The following XK variants were observed in gnomAD, a reference collection of about 807,000 sequenced individuals.
The protein encoded by XK is X-linked Kx blood group antigen, Kell and VPS13A binding protein.
A neutral mutation model predicts 14.0 loss-of-function variants in XK; 2 were observed. That is an observed-to-expected ratio of 0.14 (90% CI 0.06 to 0.45). XK has a LOEUF of 0.45. Among genes scored for constraint, XK ranks in the 20% least tolerant of loss-of-function variants. XK has a pLI of 0.98. For synonymous variants in XK, 149 were observed against 147.5 expected, an observed-to-expected ratio of 1.01 and a Z score of -0.08; for missense variants, 235 against 341.5, an observed-to-expected ratio of 0.69 and a Z score of 2.46.
chrX:37,696,440 A>G (rs1556442480), intron 2 of XK, among the ~76,000 whole-genome samples: 1 of 112,870 alleles, frequency 8.9e-6, no homozygotes, highest in African/African-American at 3.2e-5. Flanking sequence ...CTGAGAGTTA[A>G]ATGATAAATC....
intron 2 of XK, among the ~76,000 whole-genome samples, chrX:37,724,364 T>C (rs1556449612): frequency 6.3e-5 from 7 of 111,085 alleles, no homozygotes. Flanking sequence ...TGGAACAGAA[T>C]AGAGAGCCTA....
chrX:37,725,721 A>G (rs979720251), intron 2 of XK, among the ~76,000 whole-genome samples: 20 of 112,216 alleles, frequency 1.8e-4, no homozygotes, highest in South Asian at 7.3e-4. Flanking sequence ...AAGTGAATGG[A>G]TAAATAAATT....
chrX:37,719,362 A>T (rs1232916386), intron 2 of XK, among the ~76,000 whole-genome samples: 1 of 111,566 alleles, frequency 9.0e-6, no homozygotes, highest in East Asian at 2.8e-4. Flanking sequence ...GTGGTTTGAT[A>T]TTTTAGCAGT....
At chrX:37,723,870 A>G (rs1556449454) in intron 2 of XK, among the ~76,000 whole-genome samples, 2 of 111,660 alleles carry the variant, frequency 1.8e-5, no homozygotes, top group Non-Finnish European at 3.8e-5. Context: ...GTAACCACAC[A>G]TACATGTATA....
rs1462058550 is a variant in XK at position 37,731,561 on chromosome X, T to C, written c.*3099T>C. 2 of 112,631 alleles carry C rather than the reference T, an allele frequency of 1.8e-5. No individual in the cohort carries two copies. The highest frequency in any genetic ancestry group is 3.2e-5 in the African/African-American group (1 of 31,021). 9.3% of individuals were successfully genotyped at this position (112,631 alleles called of 1,213,427 possible). A position where few individuals can be genotyped will look rare whatever the true frequency, so the allele number is the denominator to read the frequency against. On this transcript the variant is annotated 3_prime_UTR_variant, in exon 3 of 3. Transcript: ENST00000378616. ...GCTATGCATATTTATAGAGTTATTATAGTTATTCAAATCCATAAGCAGGTT... is the reference window on the plus strand; with the variant it reads ...GCTATGCATATTTATAGAGTTATTACAGTTATTCAAATCCATAAGCAGGTT...
chrX:37,703,528 G>A (rs927303560), intron 2 of XK, among the ~76,000 whole-genome samples: 1 of 112,246 alleles, frequency 8.9e-6, no homozygotes, highest in Admixed American at 9.4e-5. Flanking sequence ...AGCTAGAGAT[G>A]TGTACTTATG....
chrX:37,712,031 T>C (rs1198613741), intron 2 of XK, among the ~76,000 whole-genome samples: 1 of 111,586 alleles, frequency 9.0e-6, no homozygotes, highest in Non-Finnish European at 1.9e-5. Context: ...GTGGTCACGA[T>C]AGGGTGTTTG....
rs149075680 is a variant in XK at position 37,730,366 on chromosome X, T to G, written c.*1904T>G. 1 of 112,551 alleles carries G rather than the reference T, an allele frequency of 8.9e-6. No homozygotes were observed. The highest frequency in any genetic ancestry group is 2.8e-4 in the East Asian group (1 of 3,588). 9.3% of individuals were successfully genotyped at this position (112,551 alleles called of 1,213,427 possible). A position where few individuals can be genotyped will look rare whatever the true frequency, so the allele number is the denominator to read the frequency against. On this transcript the variant is annotated 3_prime_UTR_variant, in exon 3 of 3. Coordinates refer to ENST00000378616, the MANE Select transcript of XK (RefSeq NM_021083.4). The stretch of plus-strand genomic sequence containing the variant: ...CACAATCGTATTACATAAAACACCC[T>G]TGAAAATATATGACTTTGAATAAAA...
At chrX:37,727,464 G>A (rs781868049) in intron 2 of XK, among the ~76,000 whole-genome samples, 172 bp from the exon 3 acceptor site, 51 of 111,334 alleles carry the variant, frequency 4.6e-4, no homozygotes, top group Non-Finnish European at 8.3e-4. Context: ...GCTTTCTGCA[G>A]TTCTGGAAAA....
chrX:37,709,906 AATTCTTCAATTT>A (rs1927627958), intron 2 of XK, among the ~76,000 whole-genome samples: 1 of 111,845 alleles, frequency 8.9e-6, no homozygotes, highest in African/African-American at 3.3e-5. Context: ...TTGTAGCTTC[AATTCTTCAATTT>A]CAGGCATGGA....
chrX:37,696,232 C>T (rs782109456), intron 2 of XK, among the ~76,000 whole-genome samples: 12 of 112,115 alleles, frequency 1.1e-4, no homozygotes, highest in Admixed American at 1.0e-3. Context: ...ACAACAGAGT[C>T]GAGTAGTTGC....
chrX:37,726,868 A>G (rs1172781129), intron 2 of XK, among the ~76,000 whole-genome samples: 6 of 112,256 alleles, frequency 5.3e-5, no homozygotes, highest in East Asian at 2.8e-4. Flanking sequence ...TGAGTATTCT[A>G]TAGTCAGTGT....
chrX:37,700,865 G>A lies in XK; in HGVS notation c.508+6317G>A, dbSNP rs1031832393. Among the ~76,000 whole-genome samples, 9 of 111,006 alleles carry A rather than the reference G, an allele frequency of 8.1e-5. 1 individual carries two copies. The highest frequency in any genetic ancestry group is 2.9e-4 in the Admixed American group (3 of 10,452). The stretch of plus-strand genomic sequence containing the variant: ...GGGCACACTGCATACTAGCTGGCAT[G>A]AACTTCATGGGACAGGCTTTACATG... On this transcript the variant is annotated intron_variant, in intron 2 of 2. Coordinates refer to ENST00000378616, the MANE Select transcript of XK (RefSeq NM_021083.4).
At chrX:37,687,709 A>G (rs1461059440) in intron 1 of XK, among the ~76,000 whole-genome samples, 1 of 111,259 alleles carries the variant, frequency 9.0e-6, no homozygotes, top group Non-Finnish European at 1.9e-5. Context: ...GCTGACACAC[A>G]AACTACTGAC....
intron 2 of XK, among the ~76,000 whole-genome samples, chrX:37,722,608 C>T (rs1379459915): frequency 1.8e-5 from 2 of 112,501 alleles, no homozygotes; most frequent in African/African-American, 6.4e-5. Context: ...CTCCATATCC[C>T]CTTTGGCTTC....
rs562656396 is a variant in XK, at chrX:37,708,319, G to C, written c.508+13771G>C. On this transcript the variant is annotated intron_variant, in intron 2 of 2. Coordinates refer to ENST00000378616, the MANE Select transcript of XK (RefSeq NM_021083.4). ...GACAATGTGAGGAGTGAAACAAGAT[G>C]CTGCACTGCTGGCTTTGAAGATGGA... Among the ~76,000 whole-genome samples the C allele has an allele frequency of 1.1e-4, 12 of 111,908 alleles. No homozygotes were observed. In the South Asian group the frequency reaches 4.5e-3, roughly 42 times the overall value.
At chrX:37,702,835 T>C (rs1157344533) in intron 2 of XK, among the ~76,000 whole-genome samples, 1 of 112,700 alleles carries the variant, frequency 8.9e-6, no homozygotes, top group Non-Finnish European at 1.9e-5. Context: ...GTGCATTGCT[T>C]CTCAAAATAT....
intron 2 of XK, among the ~76,000 whole-genome samples, chrX:37,696,616 T>C (rs1387390037): frequency 1.8e-5 from 2 of 112,790 alleles, no homozygotes; most frequent in Non-Finnish European, 3.7e-5. Context: ...GTCTAGGGTG[T>C]GCCACAAAGG....
chrX:37,705,269 C>T (rs1008368595), intron 2 of XK, among the ~76,000 whole-genome samples: 4 of 105,960 alleles, frequency 3.8e-5, no homozygotes, highest in Non-Finnish European at 5.8e-5. Context: ...CATGGTGAAA[C>T]CCCGTCTCTA....
Sources: allele counts gnomAD v4.1 joint callset (sites outside exome capture counted in the v4.1 genomes callset), GRCh38; gene constraint gnomAD v4.1.1; transcripts MANE v1.5; gene names NCBI Gene and HGNC (gene_info 2026-07-23, HGNC 2026-07-21).